Variants in COPA observed in about 807,000 individuals in gnomAD.
COPA encodes the protein coat protein complex I subunit alpha.
A neutral mutation model predicts 158.7 loss-of-function variants in COPA; 10 were observed. The ratio of observed to expected loss-of-function variants is 0.06; its 90% CI spans 0.04 to 0.11. COPA has a LOEUF of 0.11. Among genes scored for constraint, COPA ranks in the 10% least tolerant of loss-of-function variants. The probability of loss-of-function intolerance (pLI) is 1.00; values close to 1 mark genes in which losing one functional copy is unlikely to be tolerated. For missense variants in COPA, 1,065 were observed against 1,536.7 expected (o/e 0.69, Z 5.13); for synonymous variants, 462 against 542.8 (o/e 0.85, Z 2.07).
chr1:160,326,392 T>C (rs1659492285), intron 6 of COPA, among the ~76,000 whole-genome samples: 1 of 152,176 alleles, frequency 6.6e-6, no homozygotes, highest in Non-Finnish European at 1.5e-5. Context: ...CTAGGTGCAG[T>C]GGCGCGAGCC....
At chr1:160,309,491 C>T (rs1658893401) in intron 12 of COPA, among the ~76,000 whole-genome samples, 3 of 151,682 alleles carry the variant, frequency 2.0e-5, no homozygotes, top group Admixed American at 1.3e-4. Flanking sequence ...TGGTACCCCA[C>T]CCTGAGGACT....
chr1:160,323,324 T>C, intron 8 of COPA, 107 bp downstream of exon 8: 1 of 637,840 alleles, frequency 1.6e-6, no homozygotes, highest in Admixed American at 3.7e-5. Flanking sequence ...TAGCATTAAT[T>C]AATCACCTAA....
intron 12 of COPA, among the ~76,000 whole-genome samples, chr1:160,309,836 AAAT>A (rs1167458405): frequency 2.0e-5 from 3 of 152,014 alleles, no homozygotes; most frequent in African/African-American, 7.2e-5. Flanking sequence ...CTTCCTCTCA[AAAT>A]AATAGTTCTT....
chr1:160,309,456 T>C (rs1311494979), intron 12 of COPA, among the ~76,000 whole-genome samples: 1 of 151,662 alleles, frequency 6.6e-6, no homozygotes, highest in African/African-American at 2.4e-5. Context: ...ACTCCACAAA[T>C]TAACAGACTA....
intron 12 of COPA, 26 bp from the exon 13 acceptor site, chr1:160,309,202 A>C: frequency 6.3e-7 from 1 of 1,578,300 alleles, no homozygotes; most frequent in Non-Finnish European, 8.7e-7. Flanking sequence ...GGAAATTAAA[A>C]TGTTAGTGAG....
At chr1:160,307,298 G>A in intron 13 of COPA, 53 bp from the exon 14 acceptor site, 1 of 1,563,004 alleles carries the variant, frequency 6.4e-7, no homozygotes, top group Admixed American at 1.7e-5. Context: ...ACTGGCAGGT[G>A]ACATAGTCGG....
rs765920287 is a variant in COPA, at chr1:160,293,227, C to T, written c.2762G>A (p.Cys921Tyr). Residue 921 changes from cysteine to tyrosine, a missense_variant, in exon 27 of 33, where the codon TGT (cysteine) becomes TAT (tyrosine). Physicochemically the swap from Cys to Tyr is radical, Grantham distance 194. Around this residue, in one of 2 missense-constraint regions of COPA, gnomAD observed 980 missense variants for 1,357.8 expected, o/e 0.72. Transcript: ENST00000241704. ...TKGTSPTQIWCNNSQLPVDHI... is the reference protein window; with the variant it reads ...TKGTSPTQIWYNNSQLPVDHI... ...ATCAACTGGAAGCTGAGAGTTATTA[C>T]ACCAGATCTAACAAGAAACAAAAAA... is the stretch of plus-strand genomic sequence containing the variant. 1.2e-6 allele frequency: 2 copies of T among 1,614,174 alleles called. No individual in the cohort carries two copies. Among genetic ancestry groups the T allele is most frequent in the South Asian group, 2.2e-5 (2 of 91,082 alleles).
intron 8 of COPA, among the ~76,000 whole-genome samples, chr1:160,314,629 C>CA (rs1004183397): frequency 6.6e-6 from 1 of 152,064 alleles, no homozygotes; most frequent in Non-Finnish European, 1.5e-5. Context: ...GACCCTGTCT[C>CA]AAAAAAACAA....
chr1:160,310,056 T>C (rs1658914438), intron 12 of COPA, 136 bp downstream of exon 12: 2 of 507,902 alleles, frequency 3.9e-6, no homozygotes, highest in South Asian at 9.6e-5. Flanking sequence ...TTTGAGTCTC[T>C]GAGTGATCAC....
At chr1:160,309,052 G>A (rs763818204) in intron 13 of COPA, 49 bp downstream of exon 13, 16 of 1,417,326 alleles carry the variant, frequency 1.1e-5, no homozygotes, top group African/African-American at 7.1e-5. Flanking sequence ...GTTATGATGC[G>A]GGTGAGGAGA....
At position 160,292,609 on chromosome 1, in the gene COPA, G is replaced by T. The variant is rs763097073; in HGVS notation, c.2835C>A (p.Asp945Glu). 1.9e-6 allele frequency: 3 copies of T among 1,600,670 alleles called. No homozygotes were observed. The South Asian group carries it at 3.4e-5, about 18-fold the overall frequency. Residue 945 changes from aspartate to glutamate, a missense_variant, in exon 28 of 33, where the codon GAC (aspartate) becomes GAA (glutamate). Coordinates refer to ENST00000241704, the MANE Select transcript of COPA (RefSeq NM_004371.4). ...GGCCAAACTGGATTACCCCTACTTG[G>T]TCATGAAGGAGCTGGAACAGAAGGA... is the stretch of plus-strand genomic sequence containing the variant. Reference protein sequence around the residue: ...SFETAMRLLHDQVGVIQFGPY... With the variant: ...SFETAMRLLHEQVGVIQFGPY...
intron 3 of COPA, chr1:160,339,625 G>C (rs571125764): frequency 1.2e-5 from 4 of 327,140 alleles, no homozygotes; most frequent in African/African-American, 2.1e-5. Flanking sequence ...TTACCAAACT[G>C]TACATGCTAT....
rs1658307106 is a variant in COPA at position 160,293,453 on chromosome 1, G to A, written c.2687C>T (p.Pro896Leu). ...ATCTTCAGCCCCACCAGCTGCCCCA[G>A]GGGATATATCCTAGGGGAAAAACAA... The part of the protein sequence containing the change: ...LELPPELDIS[P>L]GAAGGAEDGF... Residue 896 changes from proline (P) to leucine (L), a missense_variant, in exon 26 of 33, where the codon CCT becomes CTT. Coordinates refer to ENST00000241704, the MANE Select transcript of COPA (RefSeq NM_004371.4). The A allele has an allele frequency of 6.2e-7, 1 of 1,601,804 alleles. No homozygotes were observed.
chr1:160,325,445 CTG>C (rs1442405207), intron 7 of COPA, 96 bp downstream of exon 7: 4 of 1,026,922 alleles, frequency 3.9e-6, no homozygotes, highest in Admixed American at 1.8e-5. Flanking sequence ...AATAAGCACT[CTG>C]TAAATATTTG....
chr1:160,301,137 G>A (rs1240400465), intron 17 of COPA, among the ~76,000 whole-genome samples: 1 of 151,874 alleles, frequency 6.6e-6, no homozygotes, highest in Non-Finnish European at 1.5e-5. Flanking sequence ...AGCCTGGGGT[G>A]AGACTCTGTC....
intron 8 of COPA, chr1:160,317,804 A>AC: frequency 1.3e-6 from 1 of 787,212 alleles, no homozygotes; most frequent in South Asian, 1.5e-5. Flanking sequence ...GAAAACTGGC[A>AC]CCCCATCTCT....
At chr1:160,324,023 G>A (rs1158084911) in intron 7 of COPA, among the ~76,000 whole-genome samples, 2 of 151,906 alleles carry the variant, frequency 1.3e-5, no homozygotes, top group African/African-American at 4.8e-5. Flanking sequence ...ACCATACCCG[G>A]CTAATTTTTT....
At chr1:160,313,501 A>G (rs61801294) in intron 9 of COPA, among the ~76,000 whole-genome samples, 6 of 150,902 alleles carry the variant, frequency 4.0e-5, no homozygotes, top group Non-Finnish European at 5.9e-5. Context: ...TGCAAGCTCC[A>G]CCTCCCAGGT....
intron 6 of COPA, among the ~76,000 whole-genome samples, chr1:160,331,030 T>G (rs542571942): frequency 6.6e-6 from 1 of 151,246 alleles, no homozygotes; most frequent in East Asian, 2.0e-4. Flanking sequence ...AAAAATTAGC[T>G]GGGCATGGTG....
Sources: allele counts gnomAD v4.1 joint callset (sites outside exome capture counted in the v4.1 genomes callset), GRCh38; gene constraint gnomAD v4.1.1; regional missense constraint gnomAD v4.1.1; transcripts MANE v1.5; gene names NCBI Gene and HGNC (gene_info 2026-07-23, HGNC 2026-07-21).